Variants in MYBPC2 observed in about 807,000 individuals in gnomAD.
MYBPC2 encodes the protein myosin-binding protein C, fast-type.
Under a neutral mutation model 137.0 loss-of-function variants are expected in MYBPC2, and 122 were observed. The observed-to-expected ratio is 0.89, with a 90% CI of 0.77 to 1.03. The LOEUF is 1.03. MYBPC2 is among the 50% of genes least tolerant of loss of function. The probability of loss-of-function intolerance (pLI) is 0.00; values close to 1 mark genes in which losing one functional copy is unlikely to be tolerated. For synonymous variants in MYBPC2, 626 were observed against 612.3 expected (o/e 1.02, Z -0.33); for missense variants, 1,500 against 1,534.4 (o/e 0.98, Z 0.37).
chr19:50,442,085 G>T, intron 8 of MYBPC2, 96 bp from the exon 9 acceptor site: 1 of 1,439,852 alleles, frequency 6.9e-7, no homozygotes. Context: ...ACCTTGGAGA[G>T]CCCAGGGCCT....
intron 7 of MYBPC2, among the ~76,000 whole-genome samples, chr19:50,440,443 C>T (rs865790615): frequency 3.5e-4 from 53 of 151,830 alleles, no homozygotes; most frequent in Non-Finnish European, 5.4e-4. Flanking sequence ...GCGGGTGGAT[C>T]ACTTAAGGTC....
In MYBPC2 at chr19:50,442,362, G is replaced by A. The variant is rs368746381; in HGVS notation, c.902+49G>A. The A allele has an allele frequency of 1.7e-5, 27 of 1,586,362 alleles. 1 individual carries two copies. In the African/African-American group the frequency reaches 3.1e-4, roughly 18 times the overall value. On this transcript the variant is annotated intron_variant, in intron 9 of 27. Coordinates refer to ENST00000357701, the MANE Select transcript of MYBPC2 (RefSeq NM_004533.4). ...TGCACCGGGGAGATCCCCGTCCAGA[G>A]AGAACGCCCGGAGACAAGGCCTATC...
In MYBPC2 at chr19:50,443,540, A is replaced by G; in HGVS notation, c.949A>G (p.Lys317Glu). The G allele has an allele frequency of 1.2e-6, 2 of 1,613,198 alleles. No individual in the cohort carries two copies. Among genetic ancestry groups the G allele is most frequent in the Non-Finnish European group, 1.7e-6 (2 of 1,179,588 alleles). The change falls in exon 10 of 28, where the codon AAG (lysine) becomes GAG (glutamate). Residue 317 changes from lysine (K) to glutamate (E), a missense_variant. Physicochemically the swap from Lys to Glu is moderately conservative, Grantham distance 56. Transcript: ENST00000357701. ...TAAGAAGCGAATTCTTACCATCAACAAGTGCACGCTGGCGGATGACGCTGC... is the reference window on the plus strand; with the variant it reads ...TAAGAAGCGAATTCTTACCATCAACGAGTGCACGCTGGCGGATGACGCTGC... ...VGKKRILTIN[K>E]CTLADDAAYE...
chr19:50,450,715 G>A lies in MYBPC2; in HGVS notation c.1473-114G>A, dbSNP rs189322767. The A allele has an allele frequency of 1.8e-4, 125 of 711,632 alleles. 1 individual carries two copies. In the African/African-American group the frequency reaches 2.2e-3, roughly 12 times the overall value. 44.1% of individuals were successfully genotyped at this position (711,632 alleles called of 1,614,324 possible). On this transcript the variant is annotated intron_variant, in intron 13 of 27. Transcript: ENST00000357701. ...TAGACCACAGCGTTCCAAAGCCCTG[G>A]ATAAGAATGCAGGCATGTGGACTGC...
chr19:50,454,175 T>G lies in MYBPC2; in HGVS notation c.1905T>G (p.Val635=), dbSNP rs1307501345. The change falls in exon 17 of 28, where the codon GTT becomes GTG. Residue 635 remains valine, a synonymous_variant. Transcript: ENST00000357701. ...GEDVASIFLQ[V]VDVPDPPEAV... ...ACGTGGCTTCCATCTTCCTGCAAGTTGTAGGTGAGCAGAGAAAGCCGAGGT... is the reference window on the plus strand; with the variant it reads ...ACGTGGCTTCCATCTTCCTGCAAGTGGTAGGTGAGCAGAGAAAGCCGAGGT... 5 of 1,613,758 alleles carry G rather than the reference T, an allele frequency of 3.1e-6. No homozygotes were observed. In the Admixed American group the frequency reaches 5.0e-5, roughly 16 times the overall value.
chr19:50,458,047 A>G (rs866157546), intron 20 of MYBPC2, among the ~76,000 whole-genome samples: 10 of 151,660 alleles, frequency 6.6e-5, no homozygotes, highest in African/African-American at 2.4e-4. Flanking sequence ...ATTAATGAAC[A>G]ACGCCTATAA....
At chr19:50,458,822 C>A (rs1001718256) in intron 21 of MYBPC2, 68 bp downstream of exon 21, 25 of 1,597,758 alleles carry the variant, frequency 1.6e-5, no homozygotes, top group Non-Finnish European at 2.1e-5. Flanking sequence ...CTTTCCGTGT[C>A]GTCGACAGGA....
In MYBPC2 at chr19:50,455,637, G is replaced by A. The variant is rs376392978; in HGVS notation, c.2331G>A (p.Leu777=). Reference sequence around the variant, plus strand: ...ATGGGTACCTGGTGGAGTACTGCCTGGAAGGCTGTGAGTGACCCTGGCAGG... The same window carrying A: ...ATGGGTACCTGGTGGAGTACTGCCTAGAAGGCTGTGAGTGACCCTGGCAGG... ...GIDGYLVEYC[L]EGSEEWVPAN... is the part of the protein sequence containing the mutation. Residue 777 remains leucine, a synonymous_variant, in exon 20 of 28, where the codon CTG becomes CTA. Transcript: ENST00000357701. 4.3e-6 allele frequency: 7 copies of A among 1,613,792 alleles called. No homozygotes were observed. The highest frequency in any genetic ancestry group is 1.3e-5 in the African/African-American group (1 of 75,050).
At chr19:50,436,837 T>A (rs2039708745) in intron 5 of MYBPC2, 103 bp downstream of exon 5, 1 of 1,067,774 alleles carries the variant, frequency 9.4e-7, no homozygotes, top group Non-Finnish European at 1.4e-6. Flanking sequence ...GGGCATGAGG[T>A]GGGCACAGGT....
chr19:50,451,947 G>C lies in MYBPC2; in HGVS notation c.1693G>C (p.Asp565His), dbSNP rs773384609. Residue 565 changes from aspartate (D) to histidine (H), a missense_variant, in exon 16 of 28, where the codon GAC becomes CAC. Transcript: ENST00000357701. ...VVVAGNKLRL[D>H]VSITGEPPPV... Reference sequence around the variant, plus strand: ...TGTGGCTGGAAACAAGCTGAGGCTTGACGTGTCCATCACAGGGGAGCCCCC... The same window carrying C: ...TGTGGCTGGAAACAAGCTGAGGCTTCACGTGTCCATCACAGGGGAGCCCCC... 8 of 1,563,348 alleles carry C rather than the reference G, an allele frequency of 5.1e-6. No individual in the cohort carries two copies. The South Asian group carries it at 9.4e-5, about 18-fold the overall frequency.
At chr19:50,443,859 G>C in intron 11 of MYBPC2, 43 bp downstream of exon 11, 2 of 1,566,702 alleles carry the variant, frequency 1.3e-6, no homozygotes, top group Non-Finnish European at 1.8e-6. Context: ...GGTGCACATA[G>C]TTTCTTTGCC....
Position 50,448,320 on chromosome 19 carries a change from A to G in MYBPC2, c.1402A>G (p.Thr468Ala). 3 of 1,613,914 alleles carry G rather than the reference A, an allele frequency of 1.9e-6. No individual in the cohort carries two copies. The highest frequency in any genetic ancestry group is 2.7e-5 in the African/African-American group (2 of 75,042). ...FKCEVSDEKV[T>A]GKWYKNGVEV... ...GTGCGAGGTGTCTGATGAGAAAGTG[A>G]CGGGCAAGTGGTATAAGAATGGGGT... The change falls in exon 13 of 28, where the codon ACG becomes GCG. Residue 468 changes from threonine (T) to alanine (A), a missense_variant. Thr to Ala is a moderately conservative substitution (Grantham distance 58, BLOSUM62 0). Transcript: ENST00000357701.
At chr19:50,447,781 C>T (rs984409095) in intron 12 of MYBPC2, among the ~76,000 whole-genome samples, 13 of 151,886 alleles carry the variant, frequency 8.6e-5, no homozygotes, top group African/African-American at 2.9e-4. Context: ...CACTTGTACC[C>T]GGGGGGTGGA....
chr19:50,444,069 T>C (rs1054939465), intron 11 of MYBPC2, among the ~76,000 whole-genome samples: 2 of 152,210 alleles, frequency 1.3e-5, no homozygotes, highest in Non-Finnish European at 2.9e-5. Flanking sequence ...CATTAAATAT[T>C]CATTCATCTG....
intron 11 of MYBPC2, among the ~76,000 whole-genome samples, chr19:50,444,825 A>G (rs1275850776): frequency 7.1e-6 from 1 of 141,548 alleles, no homozygotes; most frequent in East Asian, 2.2e-4. Context: ...GCTTGCAGTG[A>G]GCCGAGATCG....
At chr19:50,454,422 T>G (rs1020959927) in intron 18 of MYBPC2, 53 bp downstream of exon 18, 10 of 159,512 alleles carry the variant, frequency 6.3e-5, no homozygotes, top group Admixed American at 4.2e-4. Flanking sequence ...TGCCTTCTGT[T>G]TTTTTTTTTT....
rs1393146097 is a variant in MYBPC2, at chr19:50,456,948, A to T, written c.2338+1304A>T. On this transcript the variant is annotated intron_variant, in intron 20 of 27. Coordinates refer to ENST00000357701, the MANE Select transcript of MYBPC2 (RefSeq NM_004533.4). Reference sequence around the variant, plus strand: ...ACTGACTTGTGCCCGGCCCAGTGCCATGGCTATGGAGATGTCTCAGACGCA... The same window carrying T: ...ACTGACTTGTGCCCGGCCCAGTGCCTTGGCTATGGAGATGTCTCAGACGCA... Among the ~76,000 whole-genome samples, 3 of 152,176 alleles carry T rather than the reference A, an allele frequency of 2.0e-5. No homozygotes were observed. In the East Asian group the frequency reaches 5.8e-4, roughly 29 times the overall value.
chr19:50,446,585 C>A (rs1011349628), intron 12 of MYBPC2, among the ~76,000 whole-genome samples: 1 of 150,524 alleles, frequency 6.6e-6, no homozygotes, highest in Admixed American at 6.6e-5. Flanking sequence ...TTTGAGAGAC[C>A]AAGGTGGGCG....
rs1443157920 is a variant in MYBPC2, at chr19:50,465,736, C to T, written c.3416-459C>T. Among the ~76,000 whole-genome samples the T allele has an allele frequency of 6.6e-6, 1 of 152,106 alleles. No individual in the cohort carries two copies. The highest frequency in any genetic ancestry group is 6.6e-5 in the Admixed American group (1 of 15,264). Reference sequence around the variant, plus strand: ...GGCACATGCCTGTTGTCCCAGCTACCTGGGGGGCTGGGGCAGGAGGATCAC... The same window carrying T: ...GGCACATGCCTGTTGTCCCAGCTACTTGGGGGGCTGGGGCAGGAGGATCAC... On this transcript the variant is annotated intron_variant, in intron 27 of 27. Coordinates refer to ENST00000357701, the MANE Select transcript of MYBPC2 (RefSeq NM_004533.4). This position sits in a 1 kb window ranked among gnomAD's most constrained non-coding sequence, Gnocchi z 4.5.
Sources: allele counts gnomAD v4.1 joint callset (sites outside exome capture counted in the v4.1 genomes callset), GRCh38; gene constraint gnomAD v4.1.1; non-coding constraint Gnocchi (gnomAD v3.1); transcripts MANE v1.5; gene names NCBI Gene and HGNC (gene_info 2026-07-23, HGNC 2026-07-21).